Variants in TENM1 observed in about 807,000 individuals in gnomAD.
The protein encoded by TENM1 is teneurin-1.
Under a neutral mutation model 174.8 loss-of-function variants are expected in TENM1, and 35 were observed. The ratio of observed to expected loss-of-function variants is 0.20; its 90% CI spans 0.15 to 0.27. The LOEUF (loss-of-function observed/expected upper bound fraction) is 0.27. Among genes scored for constraint, TENM1 ranks in the 10% least tolerant of loss-of-function variants. The pLI, the probability that TENM1 is intolerant of heterozygous loss-of-function variation, is 1.00. For synonymous variants in TENM1, 781 were observed against 798.7 expected, an observed-to-expected ratio of 0.98 and a Z score of 0.37; for missense variants, 1,633 against 2,130.1, an observed-to-expected ratio of 0.77 and a Z score of 4.59.
At chrX:124,896,348 G>T in intron 1 of TENM1, 107 bp from the exon 5 acceptor site, 3 of 889,241 alleles carry the variant, frequency 3.4e-6, no homozygotes, top group Non-Finnish European at 4.6e-6. Flanking sequence ...TAGTAATTAC[G>T]TGTTTTTGCA....
chrX:124,856,955 G>T (rs2056825087), intron 3 of TENM1, among the ~76,000 whole-genome samples: 1 of 111,367 alleles, frequency 9.0e-6, no homozygotes, highest in South Asian at 3.8e-4. Flanking sequence ...CTATCACAGT[G>T]CACTGCATAT....
intron 1 of TENM1, among the ~76,000 whole-genome samples, chrX:124,955,395 CCTT>C (rs2058555719): frequency 1.2e-5 from 1 of 81,401 alleles, no homozygotes; most frequent in African/African-American, 4.6e-5. Flanking sequence ...TCAGCAATGA[CCTT>C]CTAAACTGGC....
chrX:124,877,727 G>C (rs2057231165), intron 3 of TENM1, among the ~76,000 whole-genome samples: 1 of 111,063 alleles, frequency 9.0e-6, no homozygotes, highest in Admixed American at 9.6e-5. Context: ...AGCAGTGCAG[G>C]GGTTAGAGAT....
At chrX:124,396,476 G>A (rs1364735266) in intron 27 of TENM1, among the ~76,000 whole-genome samples, 3 of 108,984 alleles carry the variant, frequency 2.8e-5, no homozygotes, top group Non-Finnish European at 5.7e-5. Context: ...TAATTTTTTT[G>A]TATTTTTAGT....
At chrX:124,853,796 T>A (rs2056765572) in intron 3 of TENM1, among the ~76,000 whole-genome samples, 1 of 110,557 alleles carries the variant, frequency 9.0e-6, no homozygotes, top group African/African-American at 3.3e-5. Flanking sequence ...CTGGCACCAG[T>A]CAATCAGGTA....
chrX:124,524,350 A>C (rs1294175181), intron 16 of TENM1, among the ~76,000 whole-genome samples: 1 of 112,297 alleles, frequency 8.9e-6, no homozygotes, highest in Non-Finnish European at 1.9e-5. Context: ...AAATCCTATA[A>C]TGTAACATAA....
chrX:124,998,701 G>A, the TENM1 span, among the ~76,000 whole-genome samples: 1 of 111,309 alleles, frequency 9.0e-6, no homozygotes, highest in African/African-American at 3.3e-5. Flanking sequence ...GTTGAGGTGT[G>A]AGCTTGCATT....
the TENM1 span, among the ~76,000 whole-genome samples, chrX:125,155,109 C>T: frequency 3.6e-5 from 4 of 111,252 alleles, no homozygotes; most frequent in African/African-American, 9.8e-5. Context: ...TTTGACAGGG[C>T]GCTGATTGGT....
At chrX:125,130,536 T>C in the TENM1 span, among the ~76,000 whole-genome samples, 1 of 111,186 alleles carries the variant, frequency 9.0e-6, no homozygotes, top group Non-Finnish European at 1.9e-5. Flanking sequence ...TGATAGTATT[T>C]AATATTTTAT....
chrX:124,629,034 G>A (rs1464900410), intron 11 of TENM1, among the ~76,000 whole-genome samples: 1 of 111,667 alleles, frequency 9.0e-6, no homozygotes, highest in Non-Finnish European at 1.9e-5. Flanking sequence ...CTTTCTTTCT[G>A]AAGTCACCAT....
chrX:124,544,304 C>T (rs1602632792), intron 15 of TENM1, among the ~76,000 whole-genome samples: 1 of 112,165 alleles, frequency 8.9e-6, no homozygotes, highest in Non-Finnish European at 1.9e-5. Flanking sequence ...AGGCTGTCAG[C>T]ACCAGTTCAA....
At chrX:124,633,216 T>C (rs2050801296) in intron 11 of TENM1, among the ~76,000 whole-genome samples, 1 of 112,596 alleles carries the variant, frequency 8.9e-6, no homozygotes, top group African/African-American at 3.2e-5. Flanking sequence ...CTGTTTTCTT[T>C]TGACATTTCC....
chrX:125,099,190 G>A, the TENM1 span, among the ~76,000 whole-genome samples: 1 of 111,801 alleles, frequency 8.9e-6, no homozygotes, highest in Admixed American at 9.5e-5. Context: ...TAAAAGGAAT[G>A]GGGGAGGTTT....
Position 124,624,598 on chromosome X carries a change from A to G in TENM1, c.2077+17193T>C, listed in dbSNP as rs193016619. ...TTCAAGAGGTTAGGTAATTTGGTTA[A>G]TGATACAGAAGCAGAACCAATAAAG... On this transcript the variant is annotated intron_variant, in intron 11 of 31. Coordinates refer to ENST00000422452, the Ensembl canonical transcript of TENM1. 3.1e-3 allele frequency among the ~76,000 whole-genome samples: 347 copies of G among 111,788 alleles called. 1 individual carries two copies. Among genetic ancestry groups the G allele is most frequent in the African/African-American group, 0.011 (326 of 30,791 alleles).
At chrX:125,028,572 T>C in the TENM1 span, among the ~76,000 whole-genome samples, 1 of 111,411 alleles carries the variant, frequency 9.0e-6, no homozygotes, top group Non-Finnish European at 1.9e-5. Context: ...AGAAAAATAA[T>C]GGGTACTGGG....
intron 15 of TENM1, among the ~76,000 whole-genome samples, chrX:124,533,650 ATT>A (rs917989126): frequency 2.7e-5 from 3 of 111,739 alleles, no homozygotes; most frequent in African/African-American, 9.8e-5. Context: ...GTCCTTAAAA[ATT>A]TGTCTTTTTC....
intron 19 of TENM1, among the ~76,000 whole-genome samples, chrX:124,500,957 C>T (rs1176773634): frequency 9.0e-6 from 1 of 111,531 alleles, no homozygotes; most frequent in Non-Finnish European, 1.9e-5. Context: ...CTTCTCCTCC[C>T]AGTAAAACCA....
At chrX:125,160,184 G>A in the TENM1 span, among the ~76,000 whole-genome samples, 1 of 102,547 alleles carries the variant, frequency 9.8e-6, no homozygotes, top group South Asian at 4.8e-4. Flanking sequence ...TTGGGGGACA[G>A]GGTGAGACTC....
chrX:124,814,613 T>C (rs1345213940), intron 3 of TENM1, among the ~76,000 whole-genome samples: 2 of 111,380 alleles, frequency 1.8e-5, no homozygotes, highest in South Asian at 3.7e-4. Flanking sequence ...TTGTTGCTTA[T>C]AGTTAGGTGG....
Sources: gnomAD v4.1 joint callset for allele counts (sites outside exome capture counted in the v4.1 genomes callset) on GRCh38, gnomAD v4.1.1 for gene constraint, MANE v1.5 for transcripts, NCBI Gene and HGNC (gene_info 2026-07-23, HGNC 2026-07-21) for gene names.